The following RPS6KA5 variants were observed in gnomAD, a reference collection of about 807,000 sequenced individuals.
RPS6KA5 encodes the protein ribosomal protein S6 kinase A5, also known as ribosomal protein S6 kinase alpha-5.
RPS6KA5 carries 27 observed loss-of-function variants against 85.5 expected under a neutral mutation model. The observed-to-expected ratio is 0.32, with a 90% CI of 0.23 to 0.44. The LOEUF (loss-of-function observed/expected upper bound fraction) is 0.44. Ranked by LOEUF, RPS6KA5 falls within the 20% of genes least tolerant of loss-of-function variation. RPS6KA5 has a pLI of 1.00. For missense variants in RPS6KA5, 811 were observed against 980.9 expected (o/e 0.83, Z 2.31); for synonymous variants, 334 against 348.2 (o/e 0.96, Z 0.46).
intron 5 of RPS6KA5, among the ~76,000 whole-genome samples, chr14:90,932,286 G>T (rs1404799805): frequency 6.6e-6 from 1 of 152,032 alleles, no homozygotes; most frequent in Non-Finnish European, 1.5e-5. Context: ...ACCATGCTCG[G>T]CTAATTTTTT....
chr14:90,965,032 G>T, intron 3 of RPS6KA5, among the ~76,000 whole-genome samples: 1 of 151,872 alleles, frequency 6.6e-6, no homozygotes, highest in South Asian at 2.1e-4. Flanking sequence ...CCAATTTTTG[G>T]TAAGTACCTC....
Position 90,870,938 on chromosome 14 carries a change from G to A in RPS6KA5, c.*1136C>T, listed in dbSNP as rs890966555. The A allele has an allele frequency of 2.7e-5, 4 of 149,902 alleles. No homozygotes were observed. The highest frequency in any genetic ancestry group is 9.9e-5 in the African/African-American group (4 of 40,510). 9.3% of individuals were successfully genotyped at this position (149,902 alleles called of 1,614,324 possible). A position where few individuals can be genotyped will look rare whatever the true frequency, so the allele number is the denominator to read the frequency against. On this transcript the variant is annotated 3_prime_UTR_variant, in exon 17 of 17. Transcript: ENST00000614987. ...AATTCAGAACTTTTGAGCAATAAAA[G>A]TGCTCTGCATAAGTTTATAAAATAT...
At chr14:90,901,533 C>A (rs2035170128) in intron 9 of RPS6KA5, among the ~76,000 whole-genome samples, 1 of 152,140 alleles carries the variant, frequency 6.6e-6, no homozygotes, top group Non-Finnish European at 1.5e-5. Context: ...AGTCTAATGG[C>A]AGAATGATGC....
chr14:90,987,044 T>C (rs1442931719), intron 2 of RPS6KA5, among the ~76,000 whole-genome samples: 2 of 152,232 alleles, frequency 1.3e-5, no homozygotes. Context: ...ACAATGTCAT[T>C]TGACACCTTC....
intron 12 of RPS6KA5, among the ~76,000 whole-genome samples, 168 bp downstream of exon 12, chr14:90,899,161 T>G (rs2140223625): frequency 6.6e-6 from 1 of 152,046 alleles, no homozygotes; most frequent in Non-Finnish European, 1.5e-5. Flanking sequence ...GGAAACAGTG[T>G]GTGGTTGGGG....
intron 1 of RPS6KA5, among the ~76,000 whole-genome samples, chr14:91,028,099 G>T (rs2042051743): frequency 6.6e-6 from 1 of 152,118 alleles, no homozygotes. Context: ...ATTTTATTTG[G>T]CCAAATGATG....
chr14:90,992,937 G>A (rs1289538713), intron 2 of RPS6KA5, among the ~76,000 whole-genome samples: 1 of 152,132 alleles, frequency 6.6e-6, no homozygotes, highest in Non-Finnish European at 1.5e-5. Context: ...ATGCTATTTT[G>A]TCCAATTTTT....
chr14:91,057,248 T>A (rs2043361929), intron 1 of RPS6KA5, among the ~76,000 whole-genome samples: 1 of 152,122 alleles, frequency 6.6e-6, no homozygotes, highest in Non-Finnish European at 1.5e-5. Flanking sequence ...AGTGATCTGT[T>A]CAATCCTATA....
At chr14:90,898,195 T>C (rs2034948294) in intron 12 of RPS6KA5, among the ~76,000 whole-genome samples, 1 of 152,212 alleles carries the variant, frequency 6.6e-6, no homozygotes, top group African/African-American at 2.4e-5. Context: ...ACTTACCAAC[T>C]GTAAGACCTG....
Position 90,870,046 on chromosome 14 carries a change from A to T in RPS6KA5, c.*2028T>A, listed in dbSNP as rs2032998311. ...CCATTAATTTCCAATATTCACAATG[A>T]AATCAATCACATCATCAATCTGTAT... is the stretch of plus-strand genomic sequence containing the variant. On this transcript the variant is annotated 3_prime_UTR_variant, in exon 17 of 17. Transcript: ENST00000614987. 6.6e-6 allele frequency: 1 copy of T among 152,222 alleles called. No homozygotes were observed. Among genetic ancestry groups the T allele is most frequent in the Admixed American group, 6.5e-5 (1 of 15,282 alleles). The allele number at this position is 152,222 out of a possible 1,614,324, so 9.4% of individuals were successfully genotyped here.
chr14:91,021,259 C>T (rs948925114), intron 1 of RPS6KA5, among the ~76,000 whole-genome samples: 11 of 152,166 alleles, frequency 7.2e-5, no homozygotes, highest in African/African-American at 2.4e-4. Context: ...CAGCATTGCA[C>T]CACAGAGAAG....
chr14:90,937,882 G>A (rs1489076053), intron 5 of RPS6KA5, among the ~76,000 whole-genome samples: 1 of 152,074 alleles, frequency 6.6e-6, no homozygotes, highest in Non-Finnish European at 1.5e-5. Flanking sequence ...TTTGGGTGGG[G>A]ACACAGCCAA....
At chr14:90,904,173 T>A (rs1477164699) in intron 8 of RPS6KA5, among the ~76,000 whole-genome samples, 5 of 152,104 alleles carry the variant, frequency 3.3e-5, no homozygotes, top group Non-Finnish European at 5.9e-5. Flanking sequence ...ATGGTCTCGA[T>A]CTCCTGACCT....
At chr14:90,942,967 C>T in intron 5 of RPS6KA5, 111 bp downstream of exon 5, 1 of 709,076 alleles carries the variant, frequency 1.4e-6, no homozygotes, top group Non-Finnish European at 2.5e-6. Context: ...CAAATCTGCA[C>T]AAAAGTTCAG....
intron 1 of RPS6KA5, among the ~76,000 whole-genome samples, chr14:91,039,554 T>A (rs551223554): frequency 6.6e-6 from 1 of 152,336 alleles, no homozygotes; most frequent in South Asian, 2.1e-4. Context: ...GTTGCCCCAG[T>A]GGGACATCAA....
At chr14:91,019,789 C>T (rs1422387860) in intron 1 of RPS6KA5, among the ~76,000 whole-genome samples, 1 of 152,176 alleles carries the variant, frequency 6.6e-6, no homozygotes, top group Non-Finnish European at 1.5e-5. Context: ...ATGGTGTTAT[C>T]GGAACATAAC....
chr14:90,949,340 A>G (rs530346573), intron 3 of RPS6KA5, among the ~76,000 whole-genome samples: 1 of 152,186 alleles, frequency 6.6e-6, no homozygotes, highest in Non-Finnish European at 1.5e-5. Context: ...ACTTTCTTCT[A>G]TGTTAGCACT....
At chr14:91,051,243 A>AAAAT (rs59888963) in intron 1 of RPS6KA5, among the ~76,000 whole-genome samples, 7,381 of 144,294 alleles carry the variant, frequency 0.051, 246 homozygotes, top group Admixed American at 0.084. Context: ...TGTCTAAATA[A>AAAAT]AAATAAATAA....
At chr14:90,940,190 T>A (rs760868471) in intron 5 of RPS6KA5, among the ~76,000 whole-genome samples, 1 of 152,196 alleles carries the variant, frequency 6.6e-6, no homozygotes. Flanking sequence ...CAAAGAGATA[T>A]GCAACCCTTA....
Sources: gnomAD v4.1 joint callset for allele counts (sites outside exome capture counted in the v4.1 genomes callset) on GRCh38, gnomAD v4.1.1 for gene constraint, MANE v1.5 for transcripts, NCBI Gene and HGNC (gene_info 2026-07-23, HGNC 2026-07-21) for gene names.